The following TRAF3 variants were observed in gnomAD, a reference collection of about 807,000 sequenced individuals.
TRAF3 encodes TNF receptor associated factor 3, also known as TNF receptor-associated factor 3.
In TRAF3, 13 loss-of-function variants were observed where a neutral mutation model predicts 62.3. The observed-to-expected ratio is 0.21, with a 90% CI of 0.14 to 0.33. TRAF3 has a LOEUF of 0.33. TRAF3 is among the 10% of genes least tolerant of loss of function. The pLI is 1.00. For missense variants in TRAF3, 440 were observed against 741.8 expected (o/e 0.59, Z 4.73); for synonymous variants, 269 against 283.4 (o/e 0.95, Z 0.51).
intron 1 of TRAF3, among the ~76,000 whole-genome samples, chr14:102,795,717 C>T (rs1206278493): frequency 6.6e-6 from 1 of 151,968 alleles, no homozygotes; most frequent in Non-Finnish European, 1.5e-5. Flanking sequence ...TTCAGCTGCC[C>T]AAGGCAGGAC....
intron 1 of TRAF3, chr14:102,810,880 T>C (rs1899083525): frequency 6.6e-6 from 1 of 152,186 alleles, no homozygotes; most frequent in Non-Finnish European, 1.5e-5. Flanking sequence ...CCCGAGTCCA[T>C]TACACATTCT....
Position 102,802,030 on chromosome 14 carries a change from A to T in TRAF3, c.-157+24355A>T, listed in dbSNP as rs952688340. Among the ~76,000 whole-genome samples the T allele has an allele frequency of 3.1e-4, 42 of 135,840 alleles. 1 individual carries two copies. Among genetic ancestry groups the T allele is most frequent in the Middle Eastern group, 3.7e-3 (1 of 270 alleles). The allele number at this position is 135,840 out of a possible 152,430, so 89.1% of individuals were successfully genotyped here. A position where few individuals can be genotyped will look rare whatever the true frequency, so the allele number is the denominator to read the frequency against. On this transcript the variant is annotated intron_variant, in intron 1 of 11. Coordinates refer to ENST00000392745, the MANE Select transcript of TRAF3 (RefSeq NM_145725.3). ...GACTCCATCTCAAAAAAAAAAAAAAATTTTTTTTTTTTGAGACGGAGTCTC... is the reference window on the plus strand; with the variant it reads ...GACTCCATCTCAAAAAAAAAAAAAATTTTTTTTTTTTTGAGACGGAGTCTC...
At chr14:102,787,811 C>CA (rs1555365278) in intron 1 of TRAF3, among the ~76,000 whole-genome samples, 1 of 138,974 alleles carries the variant, frequency 7.2e-6, no homozygotes, top group Non-Finnish European at 1.6e-5. Context: ...ACTTGCCTTG[C>CA]TTTTTTTTTT....
chr14:102,786,194 T>C (rs182064778), intron 1 of TRAF3, among the ~76,000 whole-genome samples: 129 of 152,308 alleles, frequency 8.5e-4, no homozygotes, highest in Non-Finnish European at 1.5e-3. Flanking sequence ...AGTTTTCTCA[T>C]CTATGCAAAG....
chr14:102,894,559 A>G (rs1446640628), intron 9 of TRAF3, among the ~76,000 whole-genome samples: 2 of 152,034 alleles, frequency 1.3e-5, no homozygotes, highest in Non-Finnish European at 2.9e-5. Context: ...TCCTGTGCCT[A>G]TGGCATCTCC....
chr14:102,822,358 T>G lies in TRAF3; in HGVS notation c.-156-7976T>G, dbSNP rs1030105900. On this transcript the variant is annotated intron_variant, in intron 1 of 11. Transcript: ENST00000392745. Reference sequence around the variant, plus strand: ...TTTTGACAGAGCTTAGCTATATAGGTAGTAAGTGACGCAGTGCCAAAACCA... The same window carrying G: ...TTTTGACAGAGCTTAGCTATATAGGGAGTAAGTGACGCAGTGCCAAAACCA... Among the ~76,000 whole-genome samples, 3 of 152,302 alleles carry G rather than the reference T, an allele frequency of 2.0e-5. No homozygotes were observed. In the East Asian group the frequency reaches 5.8e-4, roughly 29 times the overall value.
chr14:102,831,414 G>A (rs765381996), intron 2 of TRAF3, among the ~76,000 whole-genome samples: 22 of 152,354 alleles, frequency 1.4e-4, no homozygotes, highest in Admixed American at 4.6e-4. Flanking sequence ...CTCAGCAGGC[G>A]GAGGTAAAAC....
At position 102,908,492 on chromosome 14, in the gene TRAF3, C is replaced by T. The variant is rs1454278634; in HGVS notation, c.*2708C>T. The T allele has an allele frequency of 1.3e-5, 2 of 152,508 alleles. No individual in the cohort carries two copies. The highest frequency in any genetic ancestry group is 4.8e-5 in the African/African-American group (2 of 41,464). The allele number at this position is 152,508 out of a possible 1,614,324, so 9.4% of individuals were successfully genotyped here. On this transcript the variant is annotated 3_prime_UTR_variant, in exon 12 of 12. Coordinates refer to ENST00000392745, the MANE Select transcript of TRAF3 (RefSeq NM_145725.3). Reference sequence around the variant, plus strand: ...AAGCCTTGCGCTGCTCCACCCTCGGCCTGGGCACCCTCACTTGGCGCTGGC... The same window carrying T: ...AAGCCTTGCGCTGCTCCACCCTCGGTCTGGGCACCCTCACTTGGCGCTGGC...
At chr14:102,844,261 T>C (rs1200229700) in intron 2 of TRAF3, among the ~76,000 whole-genome samples, 1 of 152,226 alleles carries the variant, frequency 6.6e-6, no homozygotes, top group African/African-American at 2.4e-5. Flanking sequence ...TTTTGAGAAA[T>C]TCAACCTTAG....
chr14:102,905,881 T>G lies in TRAF3; in HGVS notation c.*97T>G. ...AGGTCCTCGCGCTCAGAAAAGGACC[T>G]TGTGAGACGGAGGAAGCGGCAGAAG... On this transcript the variant is annotated 3_prime_UTR_variant, in exon 12 of 12. Transcript: ENST00000392745. The G allele has an allele frequency of 2.6e-6, 3 of 1,173,910 alleles. No individual in the cohort carries two copies. Among genetic ancestry groups the G allele is most frequent in the Non-Finnish European group, 2.4e-6 (2 of 829,564 alleles). 72.7% of individuals were successfully genotyped at this position (1,173,910 alleles called of 1,614,324 possible). A position where few individuals can be genotyped will look rare whatever the true frequency, so the allele number is the denominator to read the frequency against.
chr14:102,795,049 C>T (rs140059631), intron 1 of TRAF3, among the ~76,000 whole-genome samples: 2 of 152,212 alleles, frequency 1.3e-5, no homozygotes, highest in African/African-American at 4.8e-5. Context: ...ATAAGTAAGC[C>T]TATATATCCT....
chr14:102,898,532 A>G (rs1327428829), intron 10 of TRAF3, among the ~76,000 whole-genome samples: 1 of 152,204 alleles, frequency 6.6e-6, no homozygotes, highest in Non-Finnish European at 1.5e-5. Flanking sequence ...CTCCCTGGCA[A>G]GCAGCTCTGG....
intron 1 of TRAF3, among the ~76,000 whole-genome samples, chr14:102,781,420 T>G (rs768681609): frequency 1.4e-4 from 21 of 152,306 alleles, no homozygotes; most frequent in Non-Finnish European, 2.4e-4. Context: ...GGCCCTAACC[T>G]GGGTGGCACC....
chr14:102,808,094 G>T (rs1219211763), intron 1 of TRAF3, among the ~76,000 whole-genome samples: 1 of 152,168 alleles, frequency 6.6e-6, no homozygotes, highest in East Asian at 1.9e-4. Flanking sequence ...TTTATTTGGC[G>T]GTTGTTTTGG....
intron 2 of TRAF3, among the ~76,000 whole-genome samples, chr14:102,845,980 CAAAAAAAAA>C (rs35353834): frequency 1.9e-3 from 109 of 56,896 alleles, no homozygotes; most frequent in South Asian, 7.1e-3. Flanking sequence ...GACCGTGTCT[CAAAAAAAAA>C]AAAAAAAAAA....
At position 102,903,167 on chromosome 14, in the gene TRAF3, T is replaced by C; in HGVS notation, c.961-88T>C. ...ATACAGGGGCCTCTGACTGTTCTGC[T>C]CCTAGCCTGTCTGTATTTGATGGAA... is the stretch of plus-strand genomic sequence containing the variant. On this transcript the variant is annotated intron_variant, in intron 10 of 11. Transcript: ENST00000392745. The surrounding 1 kb of genome is among the most constrained non-coding windows in gnomAD (Gnocchi z 6.4). The C allele has an allele frequency of 1.3e-6, 2 of 1,589,684 alleles. No homozygotes were observed. The highest frequency in any genetic ancestry group is 1.1e-5 in the South Asian group (1 of 89,962).
chr14:102,875,483 A>G (rs527562589), intron 4 of TRAF3, 141 bp from the exon 5 acceptor site: 119 of 653,200 alleles, frequency 1.8e-4, no homozygotes, highest in Non-Finnish European at 2.8e-4. Context: ...AGAAATCAAG[A>G]TGGTCCTTAA....
chr14:102,881,413 A>T (rs986575270), intron 6 of TRAF3, among the ~76,000 whole-genome samples: 1 of 152,066 alleles, frequency 6.6e-6, no homozygotes, highest in African/African-American at 2.4e-5. Flanking sequence ...AAAAAAAAGA[A>T]AAAAAGGAAG....
In TRAF3 at chr14:102,906,013, A is replaced by T. The variant is rs1182429831; in HGVS notation, c.*229A>T. 1 of 463,542 alleles carries T rather than the reference A, an allele frequency of 2.2e-6. No homozygotes were observed. The highest frequency in any genetic ancestry group is 3.8e-6 in the Non-Finnish European group (1 of 263,004). The allele number at this position is 463,542 out of a possible 1,614,324, so 28.7% of individuals were successfully genotyped here. On this transcript the variant is annotated 3_prime_UTR_variant, in exon 12 of 12. Coordinates refer to ENST00000392745, the MANE Select transcript of TRAF3 (RefSeq NM_145725.3). ...GAATTATTTATCCTTCAACAAGATAAATATTGCTGTCAGAGAAGGTTTTCA... is the reference window on the plus strand; with the variant it reads ...GAATTATTTATCCTTCAACAAGATATATATTGCTGTCAGAGAAGGTTTTCA...
Sources: gnomAD v4.1 joint callset for allele counts (sites outside exome capture counted in the v4.1 genomes callset) on GRCh38, gnomAD v4.1.1 for gene constraint, Gnocchi (gnomAD v3.1) non-coding constraint, MANE v1.5 for transcripts, NCBI Gene and HGNC (gene_info 2026-07-23, HGNC 2026-07-21) for gene names.